SAMSN1: variants seen among roughly 807,000 people sequenced by gnomAD.
SAMSN1 encodes the protein SAM domain-containing protein SAMSN-1.
Under a neutral mutation model 42.0 loss-of-function variants are expected in SAMSN1, and 31 were observed. The observed-to-expected ratio is 0.74, with a 90% CI of 0.55 to 1.00. SAMSN1 has a LOEUF of 1.00. Among genes scored for constraint, SAMSN1 ranks in the 50% least tolerant of loss-of-function variants. The pLI is 0.00. For missense variants in SAMSN1, 464 were observed against 439.4 expected, an observed-to-expected ratio of 1.06 and a Z score of -0.50; for synonymous variants, 178 against 151.9, an observed-to-expected ratio of 1.17 and a Z score of -1.26.
chr21:14,568,478 G>T (rs1439087358), intron 2 of SAMSN1, among the ~76,000 whole-genome samples: 11 of 152,094 alleles, frequency 7.2e-5, no homozygotes, highest in Non-Finnish European at 4.4e-5. Context: ...TACTAAGTTC[G>T]GAAATATTTT....
chr21:14,536,676 A>T (rs1242487556), intron 1 of SAMSN1, among the ~76,000 whole-genome samples: 1 of 152,038 alleles, frequency 6.6e-6, no homozygotes, highest in East Asian at 1.9e-4. Context: ...GGAAAATTAT[A>T]TGTTTAAGAA....
rs554715549 is a variant in SAMSN1, at chr21:14,516,161, C to T, written c.279+731G>A. Among the ~76,000 whole-genome samples, 12 of 152,234 alleles carry T rather than the reference C, an allele frequency of 7.9e-5. No homozygotes were observed. In the South Asian group the frequency reaches 2.5e-3, roughly 32 times the overall value. On this transcript the variant is annotated intron_variant, in intron 3 of 7. Transcript: ENST00000400566. ...CAAGAGAAATGAAAAAATATTTCCA[C>T]ACAAAAATTGAACAGAAGTATCTGT...
At chr21:14,643,405 G>A (rs922999092) in intron 1 of SAMSN1, among the ~76,000 whole-genome samples, 16 of 152,050 alleles carry the variant, frequency 1.1e-4, no homozygotes, top group Non-Finnish European at 1.9e-4. Flanking sequence ...ACACAATGAG[G>A]GAATTCCTCA....
intron 2 of SAMSN1, among the ~76,000 whole-genome samples, chr21:14,637,962 G>C (rs1435830734): frequency 6.6e-6 from 1 of 152,164 alleles, no homozygotes; most frequent in African/African-American, 2.4e-5. Context: ...TTTGAGTGTA[G>C]TGACACCAAT....
chr21:14,640,989 G>T (rs1395890287), intron 2 of SAMSN1, among the ~76,000 whole-genome samples: 1 of 127,478 alleles, frequency 7.8e-6, no homozygotes, highest in Non-Finnish European at 1.7e-5. Flanking sequence ...AAATGGTTTG[G>T]TTTTTATGCA....
At chr21:14,619,091 T>A (rs1982934707) in intron 2 of SAMSN1, among the ~76,000 whole-genome samples, 1 of 152,140 alleles carries the variant, frequency 6.6e-6, no homozygotes, top group African/African-American at 2.4e-5. Flanking sequence ...AGGTCAAAGT[T>A]TTAAAAAATA....
intron 6 of SAMSN1, among the ~76,000 whole-genome samples, chr21:14,499,989 T>C (rs966913506): frequency 6.6e-6 from 1 of 152,186 alleles, no homozygotes; most frequent in African/African-American, 2.4e-5. Context: ...TTTGGTAATA[T>C]AACAAGAAAA....
At chr21:14,633,466 T>C (rs956528916) in intron 2 of SAMSN1, among the ~76,000 whole-genome samples, 3 of 152,150 alleles carry the variant, frequency 2.0e-5, no homozygotes, top group Non-Finnish European at 4.4e-5. Context: ...AAAAACTGGG[T>C]TCTGGATTGG....
intron 1 of SAMSN1, among the ~76,000 whole-genome samples, chr21:14,656,454 A>G (rs912740394): frequency 4.0e-5 from 6 of 151,836 alleles, no homozygotes; most frequent in Admixed American, 6.6e-5. Flanking sequence ...TTGATTTGTA[A>G]CCTCATGGGT....
Position 14,498,534 on chromosome 21 carries a change from A to T in SAMSN1, c.827T>A (p.Ile276Lys). ...TAATTCAATGAGGTGACTCTCTTTT[A>T]TATCTTTTAAATCTTCTAGAGTCTC... ...GYETLEDLKD[I>K]KESHLIELNI... Residue 276 changes from isoleucine to lysine, a missense_variant, in exon 7 of 8, where the codon ATA (isoleucine) becomes AAA (lysine). Coordinates refer to ENST00000400566, the MANE Select transcript of SAMSN1 (RefSeq NM_022136.5). 1.2e-6 allele frequency: 2 copies of T among 1,610,848 alleles called. No individual in the cohort carries two copies. Among genetic ancestry groups the T allele is most frequent in the Non-Finnish European group, 1.7e-6 (2 of 1,178,394 alleles).
intron 2 of SAMSN1, among the ~76,000 whole-genome samples, chr21:14,577,260 ATATATATATATATATATATATATATTT>A (rs1322163114): frequency 3.1e-4 from 13 of 42,346 alleles, no homozygotes; most frequent in African/African-American, 2.2e-3. Flanking sequence ...ATATATATAT[ATATATATATATATATATATATATATTT>A]TTTTTTTAGA....
chr21:14,595,775 C>T (rs1009832779), intron 6 of SAMSN1, among the ~76,000 whole-genome samples: 1 of 152,052 alleles, frequency 6.6e-6, no homozygotes, highest in Non-Finnish European at 1.5e-5. Flanking sequence ...TTCTAGCACA[C>T]AAAATATAGC....
intron 5 of SAMSN1, among the ~76,000 whole-genome samples, chr21:14,602,347 A>T (rs555348083): frequency 3.0e-4 from 46 of 152,276 alleles, no homozygotes; most frequent in African/African-American, 1.0e-3. Context: ...GAAGTGATGG[A>T]AATTCACTGT....
chr21:14,519,721 GGATCTAAAAACCTATT>G (rs200904539), intron 2 of SAMSN1, among the ~76,000 whole-genome samples: 44 of 151,944 alleles, frequency 2.9e-4, no homozygotes, highest in East Asian at 2.3e-3. Context: ...AATAAGCATA[GGATCTAAAAACCTATT>G]GATCTAAAAA....
intron 4 of SAMSN1, among the ~76,000 whole-genome samples, chr21:14,609,739 G>A (rs1600961572): frequency 6.6e-6 from 1 of 152,108 alleles, no homozygotes; most frequent in Non-Finnish European, 1.5e-5. Context: ...CCGAACGGAG[G>A]GACCGGCTGA....
intron 7 of SAMSN1, chr21:14,496,197 G>A (rs759144445): frequency 5.3e-5 from 8 of 152,158 alleles, no homozygotes; most frequent in Non-Finnish European, 8.8e-5. Flanking sequence ...CAAAGCCCTT[G>A]AGAAAATTGG....
Position 14,581,099 on chromosome 21 carries a change from T to A in SAMSN1, c.261+1037A>T, listed in dbSNP as rs368382543. Reference sequence around the variant, plus strand: ...CAAAAAAAAAGTAGCACAGCCAGAATCCATCCAAATTTGTTTGACTCCAGA... The same window carrying A: ...CAAAAAAAAAGTAGCACAGCCAGAAACCATCCAAATTTGTTTGACTCCAGA... On this transcript the variant is annotated intron_variant, in intron 2 of 8. Transcript: ENST00000285670. Among the ~76,000 whole-genome samples the A allele has an allele frequency of 3.0e-3, 462 of 152,146 alleles. 7 individuals are homozygous for A. The highest frequency in any genetic ancestry group is 9.7e-3 in the African/African-American group (402 of 41,524).
chr21:14,612,850 C>T (rs1843450405), intron 4 of SAMSN1: 2 of 700,626 alleles, frequency 2.9e-6, no homozygotes, highest in Non-Finnish European at 5.3e-6. Flanking sequence ...ACATCGTTTA[C>T]ACTTGTAACC....
intron 2 of SAMSN1, among the ~76,000 whole-genome samples, chr21:14,553,391 T>C (rs1980662537): frequency 6.6e-6 from 1 of 152,186 alleles, no homozygotes; most frequent in African/African-American, 2.4e-5. Context: ...TTTCAAGTGA[T>C]TTGTTTCAAA....
Sources: gnomAD v4.1 joint callset for allele counts (sites outside exome capture counted in the v4.1 genomes callset) on GRCh38, gnomAD v4.1.1 for gene constraint, MANE v1.5 for transcripts, NCBI Gene and HGNC (gene_info 2026-07-23, HGNC 2026-07-21) for gene names.